ASTN2: variants seen among roughly 807,000 people sequenced by gnomAD.
ASTN2 encodes astrotactin 2, also known as astrotactin-2.
A neutral mutation model predicts 139.8 loss-of-function variants in ASTN2; 54 were observed. The ratio of observed to expected loss-of-function variants is 0.39; its 90% CI spans 0.31 to 0.48. The LOEUF is 0.48. ASTN2 is among the 20% of genes least tolerant of loss of function. The probability of loss-of-function intolerance (pLI) is 0.95; values close to 1 mark genes in which losing one functional copy is unlikely to be tolerated. For missense variants in ASTN2, 1,565 were observed against 1,725.1 expected (o/e 0.91, Z 1.64); for synonymous variants, 756 against 719.5 (o/e 1.05, Z -0.81).
intron 19 of ASTN2, among the ~76,000 whole-genome samples, chr9:116,608,603 CAA>C (rs953819297): frequency 2.1e-5 from 3 of 145,968 alleles, no homozygotes; most frequent in African/African-American, 5.1e-5. Context: ...ATATTTTGAA[CAA>C]AAGAGTTTGA....
chr9:116,650,521 T>A (rs72762088), intron 17 of ASTN2, among the ~76,000 whole-genome samples: 18 of 152,328 alleles, frequency 1.2e-4, no homozygotes, highest in Admixed American at 3.3e-4. Context: ...ATGAACCATA[T>A]GAAATTGCCA....
At chr9:117,305,740 C>T (rs536023679) in intron 1 of ASTN2, among the ~76,000 whole-genome samples, 1 of 152,342 alleles carries the variant, frequency 6.6e-6, no homozygotes, top group Admixed American at 6.5e-5. Context: ...TTATTAAGTG[C>T]TTACTCTGTG....
intron 13 of ASTN2, among the ~76,000 whole-genome samples, chr9:116,744,062 CTT>C (rs1490598498): frequency 2.0e-5 from 3 of 151,942 alleles, no homozygotes; most frequent in African/African-American, 7.3e-5. Context: ...GGAGGTGAGA[CTT>C]GACAGATTGG....
chr9:117,328,824 T>C (rs1475242662), intron 1 of ASTN2, among the ~76,000 whole-genome samples: 1 of 152,158 alleles, frequency 6.6e-6, no homozygotes, highest in African/African-American at 2.4e-5. Flanking sequence ...AACAGGTCGC[T>C]GTGAGAAGTG....
intron 16 of ASTN2, among the ~76,000 whole-genome samples, chr9:116,663,988 C>A (rs1394432446): frequency 6.6e-6 from 1 of 152,098 alleles, no homozygotes; most frequent in Non-Finnish European, 1.5e-5. Flanking sequence ...CAAGTTCAGG[C>A]AGTTATAAAT....
chr9:116,801,964 G>A (rs1830871278), intron 13 of ASTN2, among the ~76,000 whole-genome samples: 1 of 152,078 alleles, frequency 6.6e-6, no homozygotes, highest in South Asian at 2.1e-4. Flanking sequence ...TGAGAAGTTG[G>A]AAACAATTAG....
At chr9:117,190,371 ATC>A (rs1831313407) in intron 3 of ASTN2, among the ~76,000 whole-genome samples, 1 of 152,108 alleles carries the variant, frequency 6.6e-6, no homozygotes, top group African/African-American at 2.4e-5. Context: ...CCATAGTACA[ATC>A]TCTATTCTCT....
At chr9:116,565,427 A>ATT (rs1554714242) in intron 19 of ASTN2, among the ~76,000 whole-genome samples, 154 of 73,920 alleles carry the variant, frequency 2.1e-3, no homozygotes, top group African/African-American at 3.7e-3. Context: ...ATATATATAT[A>ATT]TATTTATTTA....
intron 4 of ASTN2, among the ~76,000 whole-genome samples, chr9:117,136,115 A>G (rs1439805837): frequency 6.6e-6 from 1 of 152,252 alleles, no homozygotes; most frequent in Non-Finnish European, 1.5e-5. Flanking sequence ...TAATAATCAT[A>G]GCAATGATCA....
At chr9:117,381,293 G>A (rs1055858125) in intron 1 of ASTN2, among the ~76,000 whole-genome samples, 8 of 152,132 alleles carry the variant, frequency 5.3e-5, no homozygotes, top group Admixed American at 2.0e-4. Flanking sequence ...GTCTGGAAGT[G>A]GATAATGGTG....
chr9:117,096,155 T>G lies in ASTN2; in HGVS notation c.1169-4A>C. On this transcript the variant is annotated splice_polypyrimidine_tract_variant and splice_region_variant and intron_variant, in intron 4 of 22. Transcript: ENST00000313400. ...GCTCTCCCAAAGCTGATTCCTCCTG[T>G]GAGTAAGCACAGTCTATCAGTTAGT... 6.2e-7 allele frequency: 1 copy of G among 1,612,610 alleles called. No individual in the cohort carries two copies. Among genetic ancestry groups the G allele is most frequent in the South Asian group, 1.1e-5 (1 of 91,028 alleles).
chr9:116,609,339 T>TATATATAC (rs530916589), intron 19 of ASTN2, among the ~76,000 whole-genome samples: 1 of 140,360 alleles, frequency 7.1e-6, no homozygotes, highest in African/African-American at 2.6e-5. Context: ...TATATATATA[T>TATATATAC]ACACACACAC....
At chr9:116,619,721 G>A (rs1042675758) in intron 18 of ASTN2, among the ~76,000 whole-genome samples, 7 of 129,804 alleles carry the variant, frequency 5.4e-5, no homozygotes, top group East Asian at 2.4e-4. Flanking sequence ...TTGGAGAGAC[G>A]AGGTCTCATT....
chr9:117,374,728 C>T (rs1441398212), intron 1 of ASTN2, among the ~76,000 whole-genome samples: 1 of 152,118 alleles, frequency 6.6e-6, no homozygotes, highest in Admixed American at 6.6e-5. Context: ...CTGAATAAAG[C>T]CTCATTTTGA....
chr9:116,483,152 A>T (rs112165556), intron 20 of ASTN2, among the ~76,000 whole-genome samples: 1,597 of 152,324 alleles, frequency 0.01, 35 homozygotes, highest in African/African-American at 0.037. Flanking sequence ...CTCGATTCCA[A>T]CAACCCACCC....
chr9:117,113,500 A>G (rs1259278029), intron 4 of ASTN2, among the ~76,000 whole-genome samples: 1 of 152,166 alleles, frequency 6.6e-6, no homozygotes, highest in Admixed American at 6.5e-5. Flanking sequence ...CACTAAATAT[A>G]CAAAAATTAG....
intron 10 of ASTN2, among the ~76,000 whole-genome samples, chr9:116,958,765 T>C (rs1346051911): frequency 6.6e-6 from 1 of 151,928 alleles, no homozygotes; most frequent in Non-Finnish European, 1.5e-5. Context: ...ACATACAAGA[T>C]ACCTAGAAAT....
At chr9:116,785,453 T>C (rs1298163844) in intron 13 of ASTN2, among the ~76,000 whole-genome samples, 2 of 152,248 alleles carry the variant, frequency 1.3e-5, no homozygotes, top group Non-Finnish European at 2.9e-5. Context: ...TGATGGCTAT[T>C]GACGCCGGAT....
At chr9:117,263,845 G>A (rs1833880704) in intron 2 of ASTN2, among the ~76,000 whole-genome samples, 2 of 152,104 alleles carry the variant, frequency 1.3e-5, no homozygotes, top group African/African-American at 4.8e-5. Context: ...AGAACATCCT[G>A]TCCTCGGTGG....
Sources: gnomAD v4.1 joint callset for allele counts (sites outside exome capture counted in the v4.1 genomes callset) on GRCh38, gnomAD v4.1.1 for gene constraint, MANE v1.5 for transcripts, NCBI Gene and HGNC (gene_info 2026-07-23, HGNC 2026-07-21) for gene names.